The following HBS1L variants were observed in gnomAD, a reference collection of about 807,000 sequenced individuals.
HBS1L encodes the protein HBS1 like translational GTPase.
Under a neutral mutation model 88.9 loss-of-function variants are expected in HBS1L, and 55 were observed. That is an observed-to-expected ratio of 0.62 (90% CI 0.50 to 0.77). The LOEUF is 0.77. Among genes scored for constraint, HBS1L ranks in the 30% least tolerant of loss-of-function variants. HBS1L has a pLI of 0.00. For synonymous variants in HBS1L, 267 were observed against 288.5 expected (o/e 0.93, Z 0.76); for missense variants, 741 against 829.3 (o/e 0.89, Z 1.31).
Position 135,041,983 on chromosome 6 carries a change from C to T in HBS1L, c.235+18G>A, listed in dbSNP as rs1249554770. 6.2e-7 allele frequency: 1 copy of T among 1,609,520 alleles called. No homozygotes were observed. Among genetic ancestry groups the T allele is most frequent in the Admixed American group, 1.7e-5 (1 of 59,736 alleles). ...ATTAATCACTTTCAGATAACAGATA[C>T]ACTACTTTTTGCTATACCTTGATCA... On this transcript the variant is annotated intron_variant, in intron 3 of 17. Coordinates refer to ENST00000367837, the MANE Select transcript of HBS1L (RefSeq NM_006620.4).
At chr6:135,045,776 T>C (rs1024676572) in intron 2 of HBS1L, among the ~76,000 whole-genome samples, 7 of 151,946 alleles carry the variant, frequency 4.6e-5, no homozygotes, top group African/African-American at 1.4e-4. Flanking sequence ...CAAGTGGAGG[T>C]TGAGGTGAGC....
chr6:135,029,448 G>C (rs1776326577), intron 4 of HBS1L, among the ~76,000 whole-genome samples: 4 of 151,620 alleles, frequency 2.6e-5, no homozygotes, highest in Admixed American at 2.6e-4. Flanking sequence ...AGAAAAATGG[G>C]CAGATTAAGA....
chr6:135,019,802 A>C (rs753331103), intron 4 of HBS1L, among the ~76,000 whole-genome samples: 3 of 151,924 alleles, frequency 2.0e-5, no homozygotes, highest in Non-Finnish European at 2.9e-5. Flanking sequence ...TGGCTTAAGA[A>C]GACTTAGTAA....
chr6:135,046,058 AT>A (rs1776903240), intron 2 of HBS1L, among the ~76,000 whole-genome samples: 1 of 152,018 alleles, frequency 6.6e-6, no homozygotes, highest in South Asian at 2.1e-4. Context: ...TTTCATTCCT[AT>A]TTTCTTTCCT....
chr6:134,968,244 CTT>C (rs748189369), intron 16 of HBS1L, among the ~76,000 whole-genome samples: 21 of 146,462 alleles, frequency 1.4e-4, no homozygotes, highest in Middle Eastern at 3.5e-3. Flanking sequence ...GGTAAGAAAT[CTT>C]TTTTTTTTTT....
intron 4 of HBS1L, among the ~76,000 whole-genome samples, chr6:135,033,240 A>G (rs770175492): frequency 6.6e-6 from 1 of 152,254 alleles, no homozygotes; most frequent in Non-Finnish European, 1.5e-5. Flanking sequence ...TAAAATTTAC[A>G]GCTGAACTGG....
rs1478869386 is a variant in HBS1L at position 134,963,620 on chromosome 6, C to G, written c.*1659G>C. ...TTTTTTCTGTAGAGACATGGTCTCACTATATTGCCTTAGCTGGTCTCAAAC... is the reference window on the plus strand; with the variant it reads ...TTTTTTCTGTAGAGACATGGTCTCAGTATATTGCCTTAGCTGGTCTCAAAC... On this transcript the variant is annotated 3_prime_UTR_variant, in exon 18 of 18. Transcript: ENST00000367837. 2 of 152,190 alleles carry G rather than the reference C, an allele frequency of 1.3e-5. No individual in the cohort carries two copies. The highest frequency in any genetic ancestry group is 4.8e-5 in the African/African-American group (2 of 41,434). The allele number at this position is 152,190 out of a possible 1,614,324, so 9.4% of individuals were successfully genotyped here. A position where few individuals can be genotyped will look rare whatever the true frequency, so the allele number is the denominator to read the frequency against.
intron 14 of HBS1L, 58 bp from the exon 15 acceptor site, chr6:134,978,845 G>C (rs1774731491): frequency 7.0e-6 from 7 of 994,762 alleles, no homozygotes; most frequent in Non-Finnish European, 1.1e-5. Flanking sequence ...ACATCAAATA[G>C]AAAGACCTCA....
At chr6:135,042,748 G>A (rs1776779599) in intron 2 of HBS1L, among the ~76,000 whole-genome samples, 2 of 151,414 alleles carry the variant, frequency 1.3e-5, no homozygotes, top group South Asian at 4.2e-4. Context: ...AGGAGGCGGA[G>A]GTTGCAGTGA....
At chr6:135,038,819 A>T (rs977910105) in intron 4 of HBS1L, among the ~76,000 whole-genome samples, 5 of 152,180 alleles carry the variant, frequency 3.3e-5, no homozygotes, top group African/African-American at 1.2e-4. Context: ...ACTTATACCT[A>T]ATTATTTTTA....
chr6:135,023,896 T>C (rs1056113759), intron 4 of HBS1L, among the ~76,000 whole-genome samples: 2 of 152,214 alleles, frequency 1.3e-5, no homozygotes, highest in Non-Finnish European at 2.9e-5. Context: ...AAATGTCCAA[T>C]TTAAATTATA....
rs914748610 is a variant in HBS1L at position 134,982,522 on chromosome 6, A to C, written c.1533T>G (p.Ala511=). 1.2e-6 allele frequency: 2 copies of C among 1,611,662 alleles called. No individual in the cohort carries two copies. The change falls in exon 13 of 18, where the codon GCT becomes GCG. Residue 511 remains alanine (A), a synonymous_variant. Coordinates refer to ENST00000367837, the MANE Select transcript of HBS1L (RefSeq NM_006620.4). ...GTCGGTCACCAGTTTGGATATAACCAGCTTCTATTTTACCAGTTATGCAAA... is the reference window on the plus strand; with the variant it reads ...GTCGGTCACCAGTTTGGATATAACCCGCTTCTATTTTACCAGTTATGCAAA... The part of the protein sequence containing the change: ...SGFCITGKIE[A]GYIQTGDRLL...
intron 3 of HBS1L, 82 bp downstream of exon 3, chr6:135,041,919 T>C (rs963725586): frequency 8.0e-6 from 10 of 1,250,372 alleles, no homozygotes; most frequent in Admixed American, 5.4e-5. Context: ...GTCACTGTTA[T>C]AAACACAATA....
At chr6:135,022,940 G>A (rs893427227) in intron 4 of HBS1L, among the ~76,000 whole-genome samples, 4 of 150,842 alleles carry the variant, frequency 2.7e-5, no homozygotes, top group Non-Finnish European at 5.9e-5. Flanking sequence ...AAAAAAAGAG[G>A]TTGCATCTCC....
rs1296375120 is a variant in HBS1L, at chr6:134,962,586, GAAT to G, written c.*2690_*2692del. ...AGAGGCTCAATTGTCATGAATGTGT[GAAT>G]AATACTAACAAGTCAAAACATAGTT... On this transcript the variant is annotated 3_prime_UTR_variant, in exon 18 of 18. Coordinates refer to ENST00000367837, the MANE Select transcript of HBS1L (RefSeq NM_006620.4). 2 of 152,178 alleles carry G rather than the reference GAAT, an allele frequency of 1.3e-5. No individual in the cohort carries two copies. The highest frequency in any genetic ancestry group is 4.8e-5 in the African/African-American group (2 of 41,446). The allele number at this position is 152,178 out of a possible 1,614,324, so 9.4% of individuals were successfully genotyped here.
chr6:134,970,862 T>G (rs2114748426), intron 15 of HBS1L, among the ~76,000 whole-genome samples: 1 of 152,270 alleles, frequency 6.6e-6, no homozygotes, highest in Middle Eastern at 3.4e-3. Flanking sequence ...GCAATAAGCA[T>G]TAAGTGTGTA....
chr6:135,046,918 C>A (rs914946317), intron 2 of HBS1L, among the ~76,000 whole-genome samples: 2 of 152,050 alleles, frequency 1.3e-5, no homozygotes, highest in African/African-American at 2.4e-5. Flanking sequence ...AAGTAAGTTT[C>A]TTATCTGATG....
In HBS1L at chr6:134,961,025, C is replaced by T. The variant is rs1366612076; in HGVS notation, c.*4254G>A. ...TTTTCATTTACTGTAATAATCACAA[C>T]CTTTGTCTTCATTTAATTTTCTTGT... is the stretch of plus-strand genomic sequence containing the variant. On this transcript the variant is annotated 3_prime_UTR_variant, in exon 18 of 18. Transcript: ENST00000367837. 5 of 150,636 alleles carry T rather than the reference C, an allele frequency of 3.3e-5. No individual in the cohort carries two copies. Among genetic ancestry groups the T allele is most frequent in the African/African-American group, 1.2e-4 (5 of 40,942 alleles). The allele number at this position is 150,636 out of a possible 1,614,324, so 9.3% of individuals were successfully genotyped here.
chr6:135,052,087 T>C (rs1205640059), intron 1 of HBS1L, among the ~76,000 whole-genome samples: 2 of 152,092 alleles, frequency 1.3e-5, no homozygotes, highest in Admixed American at 6.6e-5. Context: ...TTCCAAAGGA[T>C]AGAGTTAGCT....
Sources: gnomAD v4.1 joint callset for allele counts (sites outside exome capture counted in the v4.1 genomes callset) on GRCh38, gnomAD v4.1.1 for gene constraint, MANE v1.5 for transcripts, NCBI Gene and HGNC (gene_info 2026-07-23, HGNC 2026-07-21) for gene names.